Variants in CELF1 observed in about 807,000 individuals in gnomAD.
CELF1 encodes 50 kDa nuclear polyadenylated RNA-binding protein.
A neutral mutation model predicts 61.8 loss-of-function variants in CELF1; 10 were observed. The observed-to-expected ratio is 0.16, with a 90% confidence interval of 0.10 to 0.27. The LOEUF is 0.27. CELF1 is among the 10% of genes least tolerant of loss of function. CELF1 has a pLI of 1.00. For missense variants in CELF1, 380 were observed against 639.1 expected (o/e 0.59, Z 4.37); for synonymous variants, 236 against 225.1 (o/e 1.05, Z -0.43).
chr11:47,527,345 C>T (rs1026191717), intron 1 of CELF1, among the ~76,000 whole-genome samples: 24 of 151,570 alleles, frequency 1.6e-4, no homozygotes, highest in Admixed American at 1.5e-3. Context: ...TAGCCGTGAT[C>T]GTGCCACCGC....
intron 1 of CELF1, among the ~76,000 whole-genome samples, chr11:47,520,458 C>A (rs1042022719): frequency 1.3e-5 from 2 of 152,148 alleles, no homozygotes; most frequent in Admixed American, 6.6e-5. Context: ...GCTGGTTCTA[C>A]CTTCCCATGC....
chr11:47,478,288 G>T (rs2081174669), intron 10 of CELF1, among the ~76,000 whole-genome samples: 1 of 152,182 alleles, frequency 6.6e-6, no homozygotes, highest in South Asian at 2.1e-4. Context: ...AATGCAGAGG[G>T]TGTAGGCACA....
At chr11:47,489,125 G>GA (rs1164527551) in intron 3 of CELF1, 101 bp from the exon 4 acceptor site, 16 of 1,029,880 alleles carry the variant, frequency 1.6e-5, no homozygotes, top group South Asian at 4.5e-5. Flanking sequence ...GAACGTAAGG[G>GA]AAAAAAAATC....
intron 3 of CELF1, among the ~76,000 whole-genome samples, chr11:47,490,589 GT>G (rs2090938940): frequency 6.6e-6 from 1 of 151,888 alleles, no homozygotes; most frequent in African/African-American, 2.4e-5. Flanking sequence ...ACCATGCGTG[GT>G]TAATTTTGTA....
intron 6 of CELF1, among the ~76,000 whole-genome samples, chr11:47,486,143 AGAGTG>A: frequency 7.0e-5 from 1 of 14,386 alleles, no homozygotes; most frequent in Non-Finnish European, 2.0e-4. Flanking sequence ...CCCAGGCAAC[AGAGTG>A]AGACTCCATC....
chr11:47,552,849 C>A, intron 1 of CELF1, 143 bp downstream of exon 1: 1 of 395,276 alleles, frequency 2.5e-6, no homozygotes. Flanking sequence ...TACCCCAGGA[C>A]GCAGGGAACG....
chr11:47,542,378 AAGCCGTATCTGC>A (rs1193485386), intron 1 of CELF1, among the ~76,000 whole-genome samples: 1 of 152,108 alleles, frequency 6.6e-6, no homozygotes, highest in Non-Finnish European at 1.5e-5. Context: ...CAAATAAATA[AAGCCGTATCTGC>A]ACCCATGAAC....
intron 1 of CELF1, among the ~76,000 whole-genome samples, chr11:47,508,406 CA>C (rs2094708568): frequency 6.6e-6 from 1 of 151,752 alleles, no homozygotes; most frequent in South Asian, 2.1e-4. Context: ...AGGGAATCTC[CA>C]AGATAAAGAG....
chr11:47,465,976 G>T lies in CELF1; in HGVS notation c.*6254C>A, dbSNP rs1231947082. ...TTTAATAGCAAATAAACAAAGGAAG[G>T]TACCACACTTGGCAGATACAAAATG... On this transcript the variant is annotated 3_prime_UTR_variant, in exon 15 of 15. Transcript: ENST00000687097. 1 of 152,118 alleles carries T rather than the reference G, an allele frequency of 6.6e-6. No individual in the cohort carries two copies. The highest frequency in any genetic ancestry group is 6.5e-5 in the Admixed American group (1 of 15,274). The allele number at this position is 152,118 out of a possible 1,614,324, so 9.4% of individuals were successfully genotyped here.
intron 2 of CELF1, among the ~76,000 whole-genome samples, chr11:47,558,572 TA>T (rs1419514550): frequency 2.5e-4 from 28 of 113,596 alleles, no homozygotes; most frequent in African/African-American, 8.1e-4. Flanking sequence ...ATATAATATA[TA>T]AATATATATA....
chr11:47,490,593 ATTTTGTATT>A (rs1233590040), intron 3 of CELF1, among the ~76,000 whole-genome samples: 1 of 151,644 alleles, frequency 6.6e-6, no homozygotes, highest in Non-Finnish European at 1.5e-5. Flanking sequence ...TGCGTGGTTA[ATTTTGTATT>A]TTTAGTAGAG....
At chr11:47,546,925 G>A (rs1248095103) in intron 1 of CELF1, among the ~76,000 whole-genome samples, 1 of 151,790 alleles carries the variant, frequency 6.6e-6, no homozygotes, top group Non-Finnish European at 1.5e-5. Context: ...AAATTAGCTG[G>A]GGGTCATGGC....
intron 1 of CELF1, among the ~76,000 whole-genome samples, chr11:47,507,058 G>C (rs1238565325): frequency 6.6e-6 from 1 of 152,174 alleles, no homozygotes; most frequent in Non-Finnish European, 1.5e-5. Flanking sequence ...ATGCCTTAAA[G>C]ATAAGTTGCA....
At chr11:47,482,897 T>A in intron 8 of CELF1, 41 bp from the exon 9 acceptor site, 1 of 1,571,756 alleles carries the variant, frequency 6.4e-7, no homozygotes, top group Admixed American at 1.9e-5. Flanking sequence ...TTCCTCCATC[T>A]GAAAAGAAGA....
rs563940296 is a variant in CELF1, at chr11:47,466,106, C to T, written c.*6124G>A. 1 of 152,258 alleles carries T rather than the reference C, an allele frequency of 6.6e-6. No individual in the cohort carries two copies. The highest frequency in any genetic ancestry group is 2.1e-4 in the South Asian group (1 of 4,830). The allele number at this position is 152,258 out of a possible 1,614,324, so 9.4% of individuals were successfully genotyped here. A position where few individuals can be genotyped will look rare whatever the true frequency, so the allele number is the denominator to read the frequency against. On this transcript the variant is annotated 3_prime_UTR_variant, in exon 15 of 15. Coordinates refer to ENST00000687097, the MANE Select transcript of CELF1 (RefSeq NM_001376376.1). ...GAAGGAGATTCCTTTGAAACACATACTCCCTTGCTCCAAACTTATAACAAT... is the reference window on the plus strand; with the variant it reads ...GAAGGAGATTCCTTTGAAACACATATTCCCTTGCTCCAAACTTATAACAAT...
At chr11:47,503,913 G>A (rs991407370) in intron 1 of CELF1, among the ~76,000 whole-genome samples, 3 of 152,178 alleles carry the variant, frequency 2.0e-5, no homozygotes, top group Non-Finnish European at 4.4e-5. Flanking sequence ...CAGGCTTCAC[G>A]CCTATATTCC....
intron 1 of CELF1, chr11:47,523,999 A>C (rs900677136): frequency 6.6e-6 from 1 of 152,194 alleles, no homozygotes; most frequent in Non-Finnish European, 1.5e-5. Context: ...ATGACACCAA[A>C]AGGCATTACA....
chr11:47,535,611 G>GGAGGTTGCAGTGAGCC (rs1294796873), intron 1 of CELF1, among the ~76,000 whole-genome samples: 4 of 150,330 alleles, frequency 2.7e-5, no homozygotes, highest in African/African-American at 9.8e-5. Flanking sequence ...CCGGGGAGGT[G>GGAGGTTGCAGTGAGCC]GAGGTTGCAG....
At chr11:47,500,763 G>A in intron 2 of CELF1, 98 bp downstream of exon 2, 1 of 395,306 alleles carries the variant, frequency 2.5e-6, no homozygotes, top group Non-Finnish European at 4.5e-6. Context: ...ACAAATGGCG[G>A]CATTTCAATA....
Sources: gnomAD v4.1 joint callset for allele counts (sites outside exome capture counted in the v4.1 genomes callset) on GRCh38, gnomAD v4.1.1 for gene constraint, MANE v1.5 for transcripts, NCBI Gene and HGNC (gene_info 2026-07-23, HGNC 2026-07-21) for gene names.